The following P2RY14 variants were observed in gnomAD, a reference collection of about 807,000 sequenced individuals.
P2RY14 encodes P2Y purinoceptor 14.
A neutral mutation model predicts 0.9 loss-of-function variants in P2RY14; 2 were observed. The ratio of observed to expected loss-of-function variants is 2.16; its 90% CI spans 0.88 to 6.79. The LOEUF is 6.79. Ranked by LOEUF, P2RY14 falls within the 30% of genes most tolerant of loss-of-function variation. P2RY14 has a pLI of 0.05. For synonymous variants in P2RY14, 158 were observed against 147.2 expected (o/e 1.07, Z -0.53); for missense variants, 378 against 400.1 (o/e 0.94, Z 0.47).
chr3:151,275,483 G>C (rs574158771), intron 1 of P2RY14, among the ~76,000 whole-genome samples: 1 of 152,206 alleles, frequency 6.6e-6, no homozygotes, highest in East Asian at 1.9e-4. Flanking sequence ...TTTATACCGA[G>C]TAAAGACAAA....
intron 1 of P2RY14, among the ~76,000 whole-genome samples, chr3:151,254,977 C>T (rs562236096): frequency 6.6e-6 from 1 of 151,986 alleles, no homozygotes; most frequent in Non-Finnish European, 1.5e-5. Flanking sequence ...CCTTGCTGCT[C>T]TTTTTTTTGT....
At chr3:151,266,260 ATCT>A (rs752457469) in intron 1 of P2RY14, among the ~76,000 whole-genome samples, 3 of 152,222 alleles carry the variant, frequency 2.0e-5, no homozygotes, top group African/African-American at 4.8e-5. Flanking sequence ...GGTATTCAAC[ATCT>A]TCTATTAAAA....
chr3:151,250,952 T>G (rs1457135588), intron 1 of P2RY14, among the ~76,000 whole-genome samples: 1 of 152,222 alleles, frequency 6.6e-6, no homozygotes, highest in African/African-American at 2.4e-5. Flanking sequence ...GTGTTGTGTT[T>G]GTTCTTTCTT....
At chr3:151,221,687 G>A (rs536395312) in intron 1 of P2RY14, among the ~76,000 whole-genome samples, 5 of 152,316 alleles carry the variant, frequency 3.3e-5, no homozygotes, top group South Asian at 4.1e-4. Context: ...GGGAACCTCC[G>A]CCTAGATTTC....
intron 1 of P2RY14, among the ~76,000 whole-genome samples, chr3:151,245,453 G>A (rs1321065404): frequency 7.0e-6 from 1 of 142,952 alleles, no homozygotes; most frequent in Non-Finnish European, 1.5e-5. Context: ...TGGGATGCAA[G>A]GCTGGTTCAA....
intron 1 of P2RY14, among the ~76,000 whole-genome samples, chr3:151,237,064 T>C (rs1338675285): frequency 6.6e-6 from 1 of 151,012 alleles, no homozygotes; most frequent in African/African-American, 2.4e-5. Context: ...TTTTTTTTTT[T>C]TTGAGACGGA....
At chr3:151,248,978 C>T (rs1289501427) in intron 1 of P2RY14, 1 of 152,114 alleles carries the variant, frequency 6.6e-6, no homozygotes, top group Non-Finnish European at 1.5e-5. Context: ...TCGTGTTGAC[C>T]AGTGGGAAAC....
At position 151,214,102 on chromosome 3, in the gene P2RY14, A is replaced by G. The variant is rs1352101299; in HGVS notation, c.215T>C (p.Leu72Pro). Residue 72 changes from leucine (L) to proline (P), a missense_variant, in exon 3 of 3, where the codon CTG becomes CCG. Coordinates refer to ENST00000309170, the MANE Select transcript of P2RY14 (RefSeq NM_014879.4). ...NIVIADFVMSLTFPFKILGDS... is the reference protein window; with the variant it reads ...NIVIADFVMSPTFPFKILGDS... Reference sequence around the variant, plus strand: ...ACCAAGGATCTTGAAAGGAAAAGTCAGGCTCATCACAAAGTCAGCAATAAC... The same window carrying G: ...ACCAAGGATCTTGAAAGGAAAAGTCGGGCTCATCACAAAGTCAGCAATAAC... 1 of 1,614,192 alleles carries G rather than the reference A, an allele frequency of 6.2e-7. No individual in the cohort carries two copies. Among genetic ancestry groups the G allele is most frequent in the East Asian group, 2.2e-5 (1 of 44,880 alleles).
At chr3:151,250,798 T>A (rs755183804) in intron 1 of P2RY14, among the ~76,000 whole-genome samples, 24 of 152,234 alleles carry the variant, frequency 1.6e-4, no homozygotes, top group Non-Finnish European at 3.1e-4. Context: ...GCAAAATTGC[T>A]GGATCATGTG....
chr3:151,220,164 TG>T (rs1168372614), intron 1 of P2RY14, among the ~76,000 whole-genome samples: 2 of 149,304 alleles, frequency 1.3e-5, no homozygotes, highest in East Asian at 3.9e-4. Context: ...TAATCAAAAA[TG>T]TTTCTAGACT....
At chr3:151,221,431 T>C (rs1320696513) in intron 1 of P2RY14, among the ~76,000 whole-genome samples, 1 of 152,230 alleles carries the variant, frequency 6.6e-6, no homozygotes, top group Non-Finnish European at 1.5e-5. Flanking sequence ...AGGTCTTTAC[T>C]GCAAGCCCAT....
Position 151,213,993 on chromosome 3 carries a change from G to A in P2RY14, c.324C>T (p.Ser108=), listed in dbSNP as rs200355187. ...AVLFYVNMYV[S]IVFFGLISFD... ...AGCTGATGAGCCCAAAGAACACAATGCTGACGTACATGTTGACGTAGAAGA... is the reference window on the plus strand; with the variant it reads ...AGCTGATGAGCCCAAAGAACACAATACTGACGTACATGTTGACGTAGAAGA... Residue 108 remains serine, a synonymous_variant, in exon 3 of 3, where the codon AGC becomes AGT. Transcript: ENST00000309170. 100 of 1,613,888 alleles carry A rather than the reference G, an allele frequency of 6.2e-5. No individual in the cohort carries two copies. The highest frequency in any genetic ancestry group is 1.5e-5 in the Non-Finnish European group (18 of 1,179,916).
intron 1 of P2RY14, among the ~76,000 whole-genome samples, chr3:151,259,474 A>T (rs1232890785): frequency 6.6e-6 from 1 of 152,200 alleles, no homozygotes; most frequent in Non-Finnish European, 1.5e-5. Context: ...AAGAGGACTT[A>T]ATTACATGGG....
intron 1 of P2RY14, among the ~76,000 whole-genome samples, chr3:151,222,930 C>G (rs1317279272): frequency 2.6e-5 from 4 of 152,136 alleles, no homozygotes; most frequent in Non-Finnish European, 4.4e-5. Context: ...TCATCATAAT[C>G]TTCCCATCTT....
At chr3:151,262,372 A>C (rs796498795) in intron 1 of P2RY14, among the ~76,000 whole-genome samples, 5 of 152,316 alleles carry the variant, frequency 3.3e-5, no homozygotes, top group African/African-American at 1.2e-4. Context: ...TGTGGGAAGA[A>C]TTTGCACACT....
At chr3:151,275,508 C>G (rs917898422) in intron 1 of P2RY14, among the ~76,000 whole-genome samples, 2 of 152,096 alleles carry the variant, frequency 1.3e-5, no homozygotes, top group Non-Finnish European at 2.9e-5. Context: ...TCAAAGGAAT[C>G]TAATCAGATC....
intron 1 of P2RY14, among the ~76,000 whole-genome samples, chr3:151,250,248 TTG>T (rs1410380360): frequency 2.0e-5 from 3 of 152,166 alleles, no homozygotes; most frequent in African/African-American, 7.2e-5. Flanking sequence ...AAGATTTTTT[TTG>T]TCTTTGAGGT....
At position 151,263,777 on chromosome 3, in the gene P2RY14, T is replaced by C. The variant is rs144617673; in HGVS notation, c.-133+14510A>G. The stretch of plus-strand genomic sequence containing the variant: ...ATTCCCGTACCACCCCCCCCACTTA[T>C]CAGCTCTGTGACTCTTGGTAAAATA... On this transcript the variant is annotated intron_variant, in intron 1 of 2. Transcript: ENST00000309170. Among the ~76,000 whole-genome samples, 7 of 152,228 alleles carry C rather than the reference T, an allele frequency of 4.6e-5. 1 individual carries two copies. In the East Asian group the frequency reaches 1.3e-3, roughly 29 times the overall value.
At chr3:151,269,731 C>G in intron 1 of P2RY14, 1 of 417,940 alleles carries the variant, frequency 2.4e-6, no homozygotes, top group Non-Finnish European at 4.6e-6. Flanking sequence ...AAATAAAGTT[C>G]TCTCCAAGGA....
Sources: gnomAD v4.1 joint callset for allele counts (sites outside exome capture counted in the v4.1 genomes callset) on GRCh38, gnomAD v4.1.1 for gene constraint, MANE v1.5 for transcripts, NCBI Gene and HGNC (gene_info 2026-07-23, HGNC 2026-07-21) for gene names.